Variants in ARHGAP8 observed in about 807,000 individuals in gnomAD.
The protein encoded by ARHGAP8 is Rho GTPase activating protein 8.
In ARHGAP8, 62 loss-of-function variants were observed where a neutral mutation model predicts 46.1. The ratio of observed to expected loss-of-function variants is 1.34; its 90% confidence interval spans 1.10 to 1.66. The LOEUF (loss-of-function observed/expected upper bound fraction) is 1.66, where lower values mean the gene tolerates loss of function less well. Among genes scored for constraint, ARHGAP8 ranks in the 40% most tolerant of loss-of-function variants. The pLI, the probability that ARHGAP8 is intolerant of heterozygous loss-of-function variation, is 0.00. For missense variants in ARHGAP8, 923 were observed against 568.4 expected (o/e 1.62, Z -6.34); for synonymous variants, 375 against 243.1 (o/e 1.54, Z -5.05).
chr22:44,806,879 G>C (rs1401066373), intron 3 of ARHGAP8, among the ~76,000 whole-genome samples: 2 of 151,344 alleles, frequency 1.3e-5, no homozygotes, highest in African/African-American at 2.4e-5. Flanking sequence ...CACGAGAACG[G>C]CGTGAATCCA....
intron 2 of ARHGAP8, among the ~76,000 whole-genome samples, chr22:44,795,965 A>C: frequency 6.7e-6 from 1 of 149,714 alleles, no homozygotes; most frequent in Non-Finnish European, 1.5e-5. Flanking sequence ...TGGGATCCCT[A>C]CTCCTTTCCA....
chr22:44,794,927 G>A (rs1404084027), intron 2 of ARHGAP8, among the ~76,000 whole-genome samples: 3 of 151,086 alleles, frequency 2.0e-5, no homozygotes, highest in Non-Finnish European at 4.4e-5. Flanking sequence ...TGTAATCCCA[G>A]CTACTTGGGA....
At position 44,808,369 on chromosome 22, in the gene ARHGAP8, A is replaced by G; in HGVS notation, c.230A>G (p.Tyr77Cys). The change falls in exon 4 of 12, where the codon TAC (tyrosine) becomes TGC (cysteine). Residue 77 changes from tyrosine (Y) to cysteine (C), a missense_variant. Coordinates refer to ENST00000356099, the MANE Select transcript of ARHGAP8 (RefSeq NM_181335.3). ...ENDYTIVYFH[Y>C]GLNSRNKPSL... The stretch of plus-strand genomic sequence containing the variant: ...GATTATACCATCGTCTATTTCCACT[A>G]CGGGCTGAACAGCCGGAACAAGCCT... 1 of 1,614,230 alleles carries G rather than the reference A, an allele frequency of 6.2e-7. No individual in the cohort carries two copies. The highest frequency in any genetic ancestry group is 8.5e-7 in the Non-Finnish European group (1 of 1,180,034).
chr22:44,804,192 C>T (rs2147084604), intron 3 of ARHGAP8, among the ~76,000 whole-genome samples: 1 of 152,310 alleles, frequency 6.6e-6, no homozygotes, highest in Non-Finnish European at 1.5e-5. Flanking sequence ...CTGTGTATGG[C>T]CTTGGGCGCC....
chr22:44,811,870 G>A (rs112576201), intron 4 of ARHGAP8, among the ~76,000 whole-genome samples: 14,781 of 151,896 alleles, frequency 0.097, 934 homozygotes, highest in African/African-American at 0.17. Context: ...GGTGGTGCAC[G>A]CCTGTAATCT....
chr22:44,845,348 A>G lies in ARHGAP8; in HGVS notation c.670+6A>G, dbSNP rs2069927893. On this transcript the variant is annotated splice_donor_region_variant and intron_variant, in intron 8 of 11. Transcript: ENST00000356099. ...GACGTACCTGAGAGAGAAAGGTGAG[A>G]CGGGGCCGGCTCCAGCTGGATGACG... 1 of 1,613,902 alleles carries G rather than the reference A, an allele frequency of 6.2e-7. No individual in the cohort carries two copies.
Position 44,816,673 on chromosome 22 carries a change from C to G in ARHGAP8, c.386+1915C>G, listed in dbSNP as rs1929764258. ...ATATAAAAATTAGCCGGATGTGTAG[C>G]ATGCGCCTGTGGTCCCAGCTACACG... On this transcript the variant is annotated intron_variant, in intron 5 of 11. Transcript: ENST00000356099. 4.6e-5 allele frequency among the ~76,000 whole-genome samples: 7 copies of G among 152,020 alleles called. No homozygotes were observed. In the South Asian group the frequency reaches 1.5e-3, roughly 32 times the overall value.
Position 44,814,748 on chromosome 22 carries a change from C to A in ARHGAP8, c.376C>A (p.Pro126Thr). Residue 126 changes from proline (P) to threonine (T), a missense_variant, in exon 5 of 12, where the codon CCC (proline) becomes ACC (threonine). Physicochemically the swap from Pro to Thr is conservative, Grantham distance 38. Transcript: ENST00000356099. ...FIKVLWNILK[P>T]LISHKFGKKV... Reference sequence around the variant, plus strand: ...CAAGGTCCTGTGGAACATCTTGAAGCCCCTCATCAGGTATGCGTCACTCTG... The same window carrying A: ...CAAGGTCCTGTGGAACATCTTGAAGACCCTCATCAGGTATGCGTCACTCTG... 5 of 1,613,966 alleles carry A rather than the reference C, an allele frequency of 3.1e-6. No homozygotes were observed.
intron 1 of ARHGAP8, among the ~76,000 whole-genome samples, chr22:44,767,588 A>T (rs1326643148): frequency 6.6e-6 from 1 of 152,122 alleles, no homozygotes; most frequent in East Asian, 1.9e-4. Flanking sequence ...CGAGGCTCCC[A>T]CGCTGCCTTT....
At chr22:44,843,809 G>C (rs1047761687) in intron 7 of ARHGAP8, among the ~76,000 whole-genome samples, 8 of 145,118 alleles carry the variant, frequency 5.5e-5, no homozygotes, top group African/African-American at 2.1e-4. Context: ...TGGGCAACAG[G>C]GTAAGACCTT....
At chr22:44,795,852 C>A (rs191963321) in intron 2 of ARHGAP8, among the ~76,000 whole-genome samples, 5 of 152,264 alleles carry the variant, frequency 3.3e-5, no homozygotes, top group Admixed American at 2.6e-4. Flanking sequence ...CCTCCCAGCC[C>A]CTCCCCCACC....
chr22:44,842,645 C>G (rs955317096), intron 7 of ARHGAP8, among the ~76,000 whole-genome samples: 1 of 152,112 alleles, frequency 6.6e-6, no homozygotes, highest in South Asian at 2.1e-4. Context: ...ATAGCTGATG[C>G]GTCAGCTGGA....
rs368545557 is a variant in ARHGAP8 at position 44,862,527 on chromosome 22, C to G, written c.1234C>G (p.Gln412Glu). Residue 412 changes from glutamine (Q) to glutamate (E), a missense_variant, in exon 12 of 12, where the codon CAA becomes GAA. Physicochemically the swap from Gln to Glu is conservative, Grantham distance 29 (BLOSUM62 2). Coordinates refer to ENST00000356099, the MANE Select transcript of ARHGAP8 (RefSeq NM_181335.3). ...APLQEAVPRTQATGLTKPTLP... is the reference protein window; with the variant it reads ...APLQEAVPRTEATGLTKPTLP... Reference sequence around the variant, plus strand: ...TTTGCAGGAGGCTGTGCCACGGACACAAGCCACGGGCCTCACCAAGCCTAC... The same window carrying G: ...TTTGCAGGAGGCTGTGCCACGGACAGAAGCCACGGGCCTCACCAAGCCTAC... 9 of 1,611,176 alleles carry G rather than the reference C, an allele frequency of 5.6e-6. No individual in the cohort carries two copies. Among genetic ancestry groups the G allele is most frequent in the East Asian group, 4.5e-5 (2 of 44,820 alleles).
At chr22:44,861,332 C>T (rs550223715) in intron 11 of ARHGAP8, among the ~76,000 whole-genome samples, 24 of 152,240 alleles carry the variant, frequency 1.6e-4, no homozygotes, top group African/African-American at 3.9e-4. Flanking sequence ...CCATGGGCAC[C>T]GATGTGAATG....
At chr22:44,771,583 T>C (rs1926007286) in intron 1 of ARHGAP8, among the ~76,000 whole-genome samples, 1 of 148,254 alleles carries the variant, frequency 6.7e-6, no homozygotes, top group Non-Finnish European at 1.5e-5. Flanking sequence ...AGACAAAGTC[T>C]TGCTCTTGTC....
intron 1 of ARHGAP8, among the ~76,000 whole-genome samples, chr22:44,769,073 G>A (rs1006204238): frequency 2.0e-5 from 3 of 152,166 alleles, no homozygotes; most frequent in Admixed American, 2.0e-4. Context: ...GACCTCAGGT[G>A]ATCCGCCTGC....
At chr22:44,859,922 T>A in intron 11 of ARHGAP8, 88 bp downstream of exon 11, 1 of 1,470,756 alleles carries the variant, frequency 6.8e-7, no homozygotes, top group Non-Finnish European at 9.2e-7. Flanking sequence ...CTCCTTGCCC[T>A]GGGTCTGGGG....
chr22:44,817,952 A>G (rs974229434), intron 5 of ARHGAP8, among the ~76,000 whole-genome samples: 4 of 152,020 alleles, frequency 2.6e-5, no homozygotes, highest in Admixed American at 2.0e-4. Context: ...TCGCCTCTAC[A>G]AAACAGATAA....
At chr22:44,769,387 C>G (rs966875060) in intron 1 of ARHGAP8, among the ~76,000 whole-genome samples, 4 of 152,176 alleles carry the variant, frequency 2.6e-5, no homozygotes, top group Admixed American at 6.6e-5. Flanking sequence ...GTCTTGAGAT[C>G]AGAAATTCTT....
Sources: allele counts gnomAD v4.1 joint callset (sites outside exome capture counted in the v4.1 genomes callset), GRCh38; gene constraint gnomAD v4.1.1; transcripts MANE v1.5; gene names NCBI Gene and HGNC (gene_info 2026-07-23, HGNC 2026-07-21).